CCDC61: variants seen among roughly 807,000 people sequenced by gnomAD.
The protein encoded by CCDC61 is coiled-coil domain containing 61.
CCDC61 carries 55 observed loss-of-function variants against 63.0 expected under a neutral mutation model. The observed-to-expected ratio is 0.87, with a 90% CI of 0.70 to 1.09. CCDC61 has a LOEUF of 1.09. Ranked by LOEUF, CCDC61 falls within the 50% of genes least tolerant of loss-of-function variation. The pLI is 0.00. For missense variants in CCDC61, 651 were observed against 731.4 expected (o/e 0.89, Z 1.27); for synonymous variants, 270 against 317.0 (o/e 0.85, Z 1.58).
At chr19:45,995,587 T>A in intron 1 of CCDC61, 83 bp downstream of exon 1, 1 of 402,146 alleles carries the variant, frequency 2.5e-6, no homozygotes, top group Non-Finnish European at 5.1e-6. Context: ...CGGGGGAGAG[T>A]GGGCTGCGGT....
At position 46,015,037 on chromosome 19, in the gene CCDC61, C is replaced by T. The variant is rs373672899; in HGVS notation, c.552-12C>T. On this transcript the variant is annotated splice_polypyrimidine_tract_variant and intron_variant, in intron 5 of 13. Coordinates refer to ENST00000595358, the MANE Select transcript of CCDC61 (RefSeq NM_001267723.2). This position sits in a 1 kb window ranked among gnomAD's most constrained non-coding sequence, Gnocchi z 5.3. ...GCCTCTCTCTCCAGCGCTCTCTCCG[C>T]GTCTTCCCCAGGGTGTCGCGCCTGG... 1,331 of 1,488,466 alleles carry T rather than the reference C, an allele frequency of 8.9e-4. 2 individuals are homozygous for T. The highest frequency in any genetic ancestry group is 1.1e-3 in the Non-Finnish European group (1,259 of 1,123,312). 92.2% of individuals were successfully genotyped at this position (1,488,466 alleles called of 1,614,324 possible). A position where few individuals can be genotyped will look rare whatever the true frequency, so the allele number is the denominator to read the frequency against.
At chr19:46,010,458 C>T (rs773790970) in intron 5 of CCDC61, among the ~76,000 whole-genome samples, 22 of 152,240 alleles carry the variant, frequency 1.4e-4, no homozygotes, top group East Asian at 5.8e-4. Flanking sequence ...GAGCGGAGAA[C>T]GTCAGGGGCA....
Position 46,015,236 on chromosome 19 carries a change from G to A in CCDC61, c.739G>A (p.Asp247Asn). ...GHRVAGRRGQDCRRLAKELEE... is the reference protein window; with the variant it reads ...GHRVAGRRGQNCRRLAKELEE... ...CAGGGTGGCCGGCCGTCGCGGCCAG[G>A]ACTGCCGCCGTCTGGCCAAGGAGGT... The change falls in exon 6 of 14, where the codon GAC becomes AAC. Residue 247 changes from aspartate to asparagine, a missense_variant. Coordinates refer to ENST00000595358, the MANE Select transcript of CCDC61 (RefSeq NM_001267723.2). The surrounding 1 kb of genome is among the most constrained non-coding windows in gnomAD (Gnocchi z 5.3). 1 of 1,391,034 alleles carries A rather than the reference G, an allele frequency of 7.2e-7. No individual in the cohort carries two copies. Among genetic ancestry groups the A allele is most frequent in the Non-Finnish European group, 9.3e-7 (1 of 1,078,734 alleles). The allele number at this position is 1,391,034 out of a possible 1,614,324, so 86.2% of individuals were successfully genotyped here.
At chr19:46,006,157 G>A (rs1234644206) in intron 3 of CCDC61, among the ~76,000 whole-genome samples, 2 of 152,178 alleles carry the variant, frequency 1.3e-5, no homozygotes, top group Admixed American at 6.5e-5. Flanking sequence ...TTCTCCTAAG[G>A]CACCAGCAGT....
intron 1 of CCDC61, among the ~76,000 whole-genome samples, chr19:46,000,287 C>G (rs1157555217): frequency 6.6e-6 from 1 of 151,982 alleles, no homozygotes; most frequent in Non-Finnish European, 1.5e-5. Flanking sequence ...TGATGGAATA[C>G]AGGCTGAAAG....
At position 46,008,315 on chromosome 19, in the gene CCDC61, G is replaced by T; in HGVS notation, c.551+14G>T. ...TCTGCGGGAGCAGTGAGTCTTGGAG[G>T]GGTGGGCAGCTGGGGCGGGTGGGGG... On this transcript the variant is annotated intron_variant, in intron 5 of 13. Coordinates refer to ENST00000595358, the MANE Select transcript of CCDC61 (RefSeq NM_001267723.2). The T allele has an allele frequency of 1.4e-6, 2 of 1,405,890 alleles. No individual in the cohort carries two copies. Among genetic ancestry groups the T allele is most frequent in the South Asian group, 2.3e-5 (2 of 86,042 alleles). The allele number at this position is 1,405,890 out of a possible 1,614,324, so 87.1% of individuals were successfully genotyped here.
Position 46,008,138 on chromosome 19 carries a change from AG to A in CCDC61, c.390del. On this transcript the variant is annotated splice_acceptor_variant, in intron 4 of 13. Transcript: ENST00000595358. LOFTEE classifies it high-confidence loss of function. ...GCCACGGTTTTAATCCTCCCTCCTC[AG>A]GATTCACTACCCGCTGCCCCTCCCG... 6.2e-7 allele frequency: 1 copy of A among 1,605,382 alleles called. No homozygotes were observed. The highest frequency in any genetic ancestry group is 8.5e-7 in the Non-Finnish European group (1 of 1,176,096).
In CCDC61 at chr19:46,015,487, T is replaced by A; in HGVS notation, c.845+60T>A. 1 of 1,254,294 alleles carries A rather than the reference T, an allele frequency of 8.0e-7. No homozygotes were observed. The highest frequency in any genetic ancestry group is 1.0e-6 in the Non-Finnish European group (1 of 973,262). The allele number at this position is 1,254,294 out of a possible 1,614,324, so 77.7% of individuals were successfully genotyped here. ...GGGCGGGCCCTGAGGGTGTGGAGGC[T>A]GATGAGGCGGAGCCTAAGGGGGCGG... On this transcript the variant is annotated intron_variant, in intron 7 of 13. Coordinates refer to ENST00000595358, the MANE Select transcript of CCDC61 (RefSeq NM_001267723.2). This position sits in a 1 kb window ranked among gnomAD's most constrained non-coding sequence, Gnocchi z 5.3.
chr19:46,016,959 G>A lies in CCDC61; in HGVS notation c.1232-32G>A. Reference sequence around the variant, plus strand: ...GGAAGCACTGGGCGGGGCCAGCGAGGGCCAGCGGTCACGCCCTCCGTCTCC... The same window carrying A: ...GGAAGCACTGGGCGGGGCCAGCGAGAGCCAGCGGTCACGCCCTCCGTCTCC... On this transcript the variant is annotated intron_variant, in intron 10 of 13. Transcript: ENST00000595358. This position sits in a 1 kb window ranked among gnomAD's most constrained non-coding sequence, Gnocchi z 7.2. 1 of 1,591,648 alleles carries A rather than the reference G, an allele frequency of 6.3e-7. No homozygotes were observed. Among genetic ancestry groups the A allele is most frequent in the East Asian group, 2.3e-5 (1 of 43,912 alleles).
At chr19:46,011,699 C>G (rs2146478226) in intron 5 of CCDC61, among the ~76,000 whole-genome samples, 1 of 152,320 alleles carries the variant, frequency 6.6e-6, no homozygotes, top group South Asian at 2.1e-4. Flanking sequence ...TTATAAAGTT[C>G]TCTTCGGCCT....
Position 46,003,414 on chromosome 19 carries a change from C to T in CCDC61, c.149-5C>T, listed in dbSNP as rs1568688176. 1.9e-6 allele frequency: 3 copies of T among 1,612,948 alleles called. No individual in the cohort carries two copies. Among genetic ancestry groups the T allele is most frequent in the East Asian group, 4.5e-5 (2 of 44,882 alleles). On this transcript the variant is annotated splice_polypyrimidine_tract_variant and splice_region_variant and intron_variant, in intron 2 of 13. Coordinates refer to ENST00000595358, the MANE Select transcript of CCDC61 (RefSeq NM_001267723.2). ...ACCTCAGGAGAGACTTTTCTCCCCA[C>T]CCAGTCATTGAAGATTTGACTCACA...
At chr19:46,010,350 C>A (rs1040558158) in intron 5 of CCDC61, among the ~76,000 whole-genome samples, 1 of 152,186 alleles carries the variant, frequency 6.6e-6, no homozygotes, top group Admixed American at 6.5e-5. Context: ...GGAGGCTCTG[C>A]CCCCAGAAAG....
chr19:46,000,753 G>A (rs1354559825), intron 1 of CCDC61, among the ~76,000 whole-genome samples: 1 of 151,846 alleles, frequency 6.6e-6, no homozygotes, highest in Non-Finnish European at 1.5e-5. Flanking sequence ...TGAGAGAGGT[G>A]TAAGTGTGCA....
intron 3 of CCDC61, among the ~76,000 whole-genome samples, chr19:46,004,924 C>T (rs779419032): frequency 9.8e-5 from 14 of 142,800 alleles, no homozygotes; most frequent in South Asian, 2.2e-4. Context: ...CTGCAACCTC[C>T]GCGTCTCGGG....
In CCDC61 at chr19:46,016,946, C is replaced by CGGGGCCAGCG; in HGVS notation, c.1232-44_1232-35dup. On this transcript the variant is annotated intron_variant, in intron 10 of 13. Coordinates refer to ENST00000595358, the MANE Select transcript of CCDC61 (RefSeq NM_001267723.2). The surrounding 1 kb of genome is among the most constrained non-coding windows in gnomAD (Gnocchi z 7.2). Reference sequence around the variant, plus strand: ...CTGGGAGGGCCTGGGAAGCACTGGGCGGGGCCAGCGAGGGCCAGCGGTCAC... The same window carrying CGGGGCCAGCG: ...CTGGGAGGGCCTGGGAAGCACTGGGCGGGGCCAGCGGGGGCCAGCGAGGGCCAGCGGTCAC... 6.4e-7 allele frequency: 1 copy of CGGGGCCAGCG among 1,567,084 alleles called. No homozygotes were observed. Among genetic ancestry groups the CGGGGCCAGCG allele is most frequent in the Non-Finnish European group, 8.6e-7 (1 of 1,156,800 alleles).
chr19:46,005,754 G>A (rs1391679802), intron 3 of CCDC61, among the ~76,000 whole-genome samples: 1 of 151,534 alleles, frequency 6.6e-6, no homozygotes, highest in African/African-American at 2.4e-5. Flanking sequence ...CTGCCAGATA[G>A]CCCGAGTCTA....
intron 3 of CCDC61, among the ~76,000 whole-genome samples, chr19:46,004,276 A>T (rs898954598): frequency 6.6e-6 from 1 of 152,146 alleles, no homozygotes; most frequent in Non-Finnish European, 1.5e-5. Flanking sequence ...AATATCTCAT[A>T]AAAATGTAGT....
At chr19:46,006,250 A>G (rs978744641) in intron 3 of CCDC61, among the ~76,000 whole-genome samples, 1 of 152,230 alleles carries the variant, frequency 6.6e-6, no homozygotes, top group Non-Finnish European at 1.5e-5. Flanking sequence ...TTATTATGAA[A>G]GTAGCTTTGA....
chr19:46,016,385 C>T lies in CCDC61; in HGVS notation c.1083C>T (p.Ile361=), dbSNP rs1359698155. The T allele has an allele frequency of 6.2e-7, 1 of 1,613,830 alleles. No individual in the cohort carries two copies. Among genetic ancestry groups the T allele is most frequent in the Admixed American group, 1.7e-5 (1 of 60,026 alleles). The part of the protein sequence containing the change: ...VKAKERKQRE[I]QMKQQQRNRL... ...CCAAGGAAAGGAAGCAGAGAGAGAT[C>T]CAGATGAAGTCAGTGCCCCTTCCTC... is the stretch of plus-strand genomic sequence containing the variant. Residue 361 remains isoleucine (I), a synonymous_variant, in exon 9 of 14, where the codon ATC becomes ATT. Coordinates refer to ENST00000595358, the MANE Select transcript of CCDC61 (RefSeq NM_001267723.2). This position sits in a 1 kb window ranked among gnomAD's most constrained non-coding sequence, Gnocchi z 7.2.
Sources: allele counts gnomAD v4.1 joint callset (sites outside exome capture counted in the v4.1 genomes callset), GRCh38; gene constraint gnomAD v4.1.1; non-coding constraint Gnocchi (gnomAD v3.1); transcripts MANE v1.5; gene names NCBI Gene and HGNC (gene_info 2026-07-23, HGNC 2026-07-21).